Variants in ZFP64 observed in about 807,000 individuals in gnomAD.
ZFP64 encodes ZFP64 zinc finger protein.
ZFP64 carries 14 observed loss-of-function variants against 51.6 expected under a neutral mutation model. The ratio of observed to expected loss-of-function variants is 0.27; its 90% CI spans 0.18 to 0.42. The LOEUF is 0.42. ZFP64 is among the 10% of genes least tolerant of loss of function. The pLI is 1.00. For missense variants in ZFP64, 754 were observed against 906.8 expected, an observed-to-expected ratio of 0.83 and a Z score of 2.16; for synonymous variants, 375 against 361.4, an observed-to-expected ratio of 1.04 and a Z score of -0.43.
chr20:52,104,790 T>TGC, intron 5 of ZFP64: 1 of 589,034 alleles, frequency 1.7e-6, no homozygotes, highest in Non-Finnish European at 3.3e-6. Context: ...CGAAGCCCAG[T>TGC]GCCAAGGAGG....
At chr20:52,179,810 G>C (rs1983487767) in intron 2 of ZFP64, among the ~76,000 whole-genome samples, 1 of 152,120 alleles carries the variant, frequency 6.6e-6, no homozygotes, top group South Asian at 2.1e-4. Context: ...GCTTTTGGAG[G>C]AGTTCAAGAA....
chr20:52,109,413 C>T (rs1340224689), intron 5 of ZFP64, among the ~76,000 whole-genome samples: 8 of 152,198 alleles, frequency 5.3e-5, no homozygotes, highest in South Asian at 4.2e-4. Flanking sequence ...CTGCCCGCCT[C>T]GGCCTCCCAA....
At chr20:52,088,336 A>C in intron 8 of ZFP64, 1 of 1,592,124 alleles carries the variant, frequency 6.3e-7, no homozygotes, top group Admixed American at 1.9e-5. Context: ...AAGTAAATGA[A>C]GGTTAAGAAA....
intron 5 of ZFP64, among the ~76,000 whole-genome samples, chr20:52,156,738 C>T (rs907489316): frequency 3.9e-5 from 6 of 152,148 alleles, no homozygotes; most frequent in African/African-American, 7.2e-5. Context: ...TTTTGAGATT[C>T]GGTTGCATGT....
Position 52,152,236 on chromosome 20 carries a change from G to C in ZFP64, c.1956C>G (p.Ser652=), listed in dbSNP as rs746691994. ...TTAPPVFSSS[S]QQELPKQTYS... ...AGGTCTGCTTGGGTAGTTCTTGCTGGGAAGAGGAGGAGAAGACCGGTGGCG... is the reference window on the plus strand; with the variant it reads ...AGGTCTGCTTGGGTAGTTCTTGCTGCGAAGAGGAGGAGAAGACCGGTGGCG... Residue 652 remains serine (S), a synonymous_variant, in exon 6 of 6, where the codon TCC becomes TCG. Coordinates refer to ENST00000216923, the MANE Select transcript of ZFP64 (RefSeq NM_018197.3). 6.2e-7 allele frequency: 1 copy of C among 1,614,042 alleles called. No individual in the cohort carries two copies. Among genetic ancestry groups the C allele is most frequent in the Non-Finnish European group, 8.5e-7 (1 of 1,180,050 alleles).
intron 5 of ZFP64, among the ~76,000 whole-genome samples, chr20:52,120,917 T>A (rs1979159102): frequency 6.6e-6 from 1 of 152,132 alleles, no homozygotes; most frequent in Non-Finnish European, 1.5e-5. Context: ...CGTCAGGTGA[T>A]CTGCCCGCCT....
intron 5 of ZFP64, among the ~76,000 whole-genome samples, chr20:52,103,694 C>G (rs974372456): frequency 6.6e-6 from 1 of 152,214 alleles, no homozygotes; most frequent in Non-Finnish European, 1.5e-5. Context: ...CAGTACCTCC[C>G]CAACTTCCCC....
downstream of ZFP64, among the ~76,000 whole-genome samples, chr20:52,147,757 G>A (rs569960447): frequency 5.3e-5 from 8 of 152,178 alleles, no homozygotes; most frequent in Admixed American, 2.0e-4. Flanking sequence ...GCTCACACCT[G>A]TAATCCCAGC....
At chr20:52,144,424 A>C (rs1329597501) in intron 5 of ZFP64, among the ~76,000 whole-genome samples, 1 of 149,810 alleles carries the variant, frequency 6.7e-6, no homozygotes, top group African/African-American at 2.4e-5. Context: ...CAAAATATAC[A>C]AAAAAATTAG....
intron 5 of ZFP64, among the ~76,000 whole-genome samples, chr20:52,133,164 G>C (rs1439563634): frequency 6.6e-6 from 1 of 152,096 alleles, no homozygotes; most frequent in Non-Finnish European, 1.5e-5. Context: ...ATCCCTTCAT[G>C]ATAAAAACCC....
intron 2 of ZFP64, among the ~76,000 whole-genome samples, chr20:52,179,643 C>A (rs1983476769): frequency 6.6e-6 from 1 of 152,220 alleles, no homozygotes; most frequent in Admixed American, 6.5e-5. Context: ...CAAAATCAAT[C>A]AGGCGGGCAG....
At chr20:52,131,267 AAGAG>A (rs551301631) in intron 5 of ZFP64, among the ~76,000 whole-genome samples, 11 of 151,934 alleles carry the variant, frequency 7.2e-5, no homozygotes, top group Admixed American at 7.2e-4. Flanking sequence ...GAAAAAGGAA[AAGAG>A]AGAGAAGAAA....
At chr20:52,159,619 G>A (rs371347035) in intron 5 of ZFP64, among the ~76,000 whole-genome samples, 6 of 152,228 alleles carry the variant, frequency 3.9e-5, no homozygotes, top group African/African-American at 1.4e-4. Flanking sequence ...GGGAGGCTGA[G>A]GTGGGCAGAC....
intron 2 of ZFP64, among the ~76,000 whole-genome samples, chr20:52,185,235 G>T (rs1368878393): frequency 6.6e-6 from 1 of 152,104 alleles, no homozygotes; most frequent in Non-Finnish European, 1.5e-5. Flanking sequence ...TATTGGCAAG[G>T]CTGGTCATGA....
At chr20:52,190,885 C>A (rs545124522) in intron 1 of ZFP64, among the ~76,000 whole-genome samples, 2 of 152,112 alleles carry the variant, frequency 1.3e-5, no homozygotes, top group Non-Finnish European at 2.9e-5. Flanking sequence ...CCCAGCCCCA[C>A]CCCCGAGATT....
At chr20:52,084,696 T>G in exon 9 of ZFP64, 3 of 1,614,238 alleles carry the variant, frequency 1.9e-6, no homozygotes, top group Non-Finnish European at 2.5e-6. Flanking sequence ...ACTGTGCTGC[T>G]TCTTGTGGCA....
chr20:52,090,735 G>T (rs185930880), intron 7 of ZFP64, among the ~76,000 whole-genome samples: 2 of 151,718 alleles, frequency 1.3e-5, no homozygotes, highest in Middle Eastern at 3.4e-3. Flanking sequence ...GGAGGAGGAG[G>T]TTGCAGTGAG....
chr20:52,089,577 C>A (rs1174992381), intron 7 of ZFP64, among the ~76,000 whole-genome samples: 1 of 151,860 alleles, frequency 6.6e-6, no homozygotes, highest in Admixed American at 6.6e-5. Context: ...CCTGTCTTTA[C>A]ACAAAAAATA....
At chr20:52,115,047 C>CA (rs901689260) in intron 5 of ZFP64, among the ~76,000 whole-genome samples, 4 of 148,862 alleles carry the variant, frequency 2.7e-5, no homozygotes, top group Non-Finnish European at 4.4e-5. Context: ...AATACAAAAA[C>CA]AAAAAAAATT....
Sources: gnomAD v4.1 joint callset for allele counts (sites outside exome capture counted in the v4.1 genomes callset) on GRCh38, gnomAD v4.1.1 for gene constraint, MANE v1.5 for transcripts, NCBI Gene and HGNC (gene_info 2026-07-23, HGNC 2026-07-21) for gene names.